Variants in ZNRF1 observed in about 807,000 individuals in gnomAD.
ZNRF1 encodes the protein E3 ubiquitin-protein ligase ZNRF1.
Under a neutral mutation model 18.4 loss-of-function variants are expected in ZNRF1, and 3 were observed. The observed-to-expected ratio is 0.16, with a 90% CI of 0.07 to 0.42. The LOEUF is 0.42. ZNRF1 is among the 10% of genes least tolerant of loss of function. The probability of loss-of-function intolerance (pLI) is 0.99; values close to 1 mark genes in which losing one functional copy is unlikely to be tolerated. For missense variants in ZNRF1, 310 were observed against 329.8 expected, an observed-to-expected ratio of 0.94 and a Z score of 0.47; for synonymous variants, 157 against 144.2, an observed-to-expected ratio of 1.09 and a Z score of -0.64.
intron 1 of ZNRF1, among the ~76,000 whole-genome samples, chr16:75,082,077 C>G (rs556429851): frequency 4.6e-5 from 7 of 152,274 alleles, no homozygotes; most frequent in Admixed American, 4.6e-4. Flanking sequence ...GGGGGTCTCA[C>G]TATGTTGCCC....
chr16:75,029,077 C>CCT (rs2035263681), intron 1 of ZNRF1, among the ~76,000 whole-genome samples: 1 of 16,144 alleles, frequency 6.2e-5, no homozygotes, highest in African/African-American at 8.3e-5. Flanking sequence ...GCAATCTTGA[C>CCT]CTTTTTTTTT....
chr16:75,041,490 C>T (rs1024413814), intron 1 of ZNRF1, among the ~76,000 whole-genome samples: 5 of 151,954 alleles, frequency 3.3e-5, no homozygotes, highest in East Asian at 1.9e-4. Flanking sequence ...CCGCCATATC[C>T]GGCTAATTTT....
chr16:75,072,776 CAG>C (rs1202745525), intron 1 of ZNRF1, among the ~76,000 whole-genome samples: 4 of 152,098 alleles, frequency 2.6e-5, no homozygotes, highest in African/African-American at 4.8e-5. Context: ...GAAATGTAAA[CAG>C]AGCTGTGACA....
At chr16:75,043,714 G>A (rs968102846) in intron 1 of ZNRF1, among the ~76,000 whole-genome samples, 3 of 151,708 alleles carry the variant, frequency 2.0e-5, no homozygotes, top group Non-Finnish European at 4.4e-5. Flanking sequence ...GAGACATGGG[G>A]GATCCTGGGT....
chr16:75,089,740 G>A (rs1202735308), intron 1 of ZNRF1, among the ~76,000 whole-genome samples: 2 of 152,122 alleles, frequency 1.3e-5, no homozygotes, highest in African/African-American at 2.4e-5. Context: ...CTAAACTTGA[G>A]TCTCCGCCTT....
At chr16:75,087,685 C>T (rs1417903397) in intron 1 of ZNRF1, among the ~76,000 whole-genome samples, 1 of 152,236 alleles carries the variant, frequency 6.6e-6, no homozygotes, top group African/African-American at 2.4e-5. Context: ...GTTCCTTCCT[C>T]ATCTGAACAT....
intron 1 of ZNRF1, among the ~76,000 whole-genome samples, chr16:75,068,873 C>T (rs80015826): frequency 3.4e-5 from 5 of 147,510 alleles, no homozygotes; most frequent in Non-Finnish European, 7.5e-5. Flanking sequence ...TTGTCTGAGT[C>T]TTTTTTTTTT....
intron 1 of ZNRF1, 141 bp from the exon 2 acceptor site, chr16:75,093,431 A>G: frequency 1.8e-6 from 1 of 549,040 alleles, no homozygotes. Context: ...TCCTTGAAGG[A>G]GGACAGGTCC....
At chr16:75,005,147 C>T (rs1298669864) in intron 1 of ZNRF1, among the ~76,000 whole-genome samples, 2 of 152,090 alleles carry the variant, frequency 1.3e-5, no homozygotes, top group African/African-American at 2.4e-5. Flanking sequence ...TCTGTGGTCT[C>T]CAAAGAGCAT....
intron 1 of ZNRF1, among the ~76,000 whole-genome samples, chr16:75,076,353 C>A (rs983983362): frequency 6.6e-6 from 1 of 152,044 alleles, no homozygotes; most frequent in South Asian, 2.1e-4. Context: ...ATGTCCATCC[C>A]CATAGGTTTC....
chr16:75,036,296 A>G (rs1373041117), intron 1 of ZNRF1, among the ~76,000 whole-genome samples: 1 of 151,942 alleles, frequency 6.6e-6, no homozygotes, highest in Non-Finnish European at 1.5e-5. Context: ...TGCCAGGCTA[A>G]TTTTTGTATT....
intron 1 of ZNRF1, among the ~76,000 whole-genome samples, chr16:75,004,042 T>G (rs2034887642): frequency 1.3e-5 from 2 of 151,586 alleles, no homozygotes; most frequent in African/African-American, 4.9e-5. Flanking sequence ...CTCACTGCAG[T>G]CTCAGACTCC....
At chr16:75,047,581 G>C (rs2035531954) in intron 1 of ZNRF1, among the ~76,000 whole-genome samples, 2 of 152,218 alleles carry the variant, frequency 1.3e-5, no homozygotes, top group South Asian at 4.1e-4. Context: ...TTGGCATGTG[G>C]AGGAGTGCTG....
chr16:75,003,825 C>T (rs1374424352), intron 1 of ZNRF1, among the ~76,000 whole-genome samples: 1 of 152,186 alleles, frequency 6.6e-6, no homozygotes, highest in African/African-American at 2.4e-5. Flanking sequence ...GACGCCTGTC[C>T]TGCTTACCTC....
chr16:75,050,125 A>G (rs1430457306), intron 1 of ZNRF1, among the ~76,000 whole-genome samples: 1 of 152,160 alleles, frequency 6.6e-6, no homozygotes, highest in Non-Finnish European at 1.5e-5. Context: ...ACTTAGCATA[A>G]TTCTCCAAAC....
intron 1 of ZNRF1, among the ~76,000 whole-genome samples, chr16:75,039,364 C>G (rs1372438786): frequency 6.6e-6 from 1 of 151,652 alleles, no homozygotes; most frequent in Non-Finnish European, 1.5e-5. Context: ...TTAGGGAGGC[C>G]AAAGGCAGAA....
intron 1 of ZNRF1, among the ~76,000 whole-genome samples, chr16:75,049,703 T>C (rs1030223296): frequency 4.6e-5 from 7 of 152,164 alleles, no homozygotes; most frequent in Non-Finnish European, 8.8e-5. Context: ...CACAGAGTGG[T>C]CCTTTGTACC....
At chr16:75,062,430 ATTCT>A (rs1390331824) in intron 1 of ZNRF1, among the ~76,000 whole-genome samples, 1 of 152,232 alleles carries the variant, frequency 6.6e-6, no homozygotes, top group Non-Finnish European at 1.5e-5. Flanking sequence ...AGTGAAATGA[ATTCT>A]TTATCGGAAA....
chr16:75,050,899 C>CAAA lies in ZNRF1; in HGVS notation c.425-42669_425-42667dup, dbSNP rs796834732. 1.2e-4 allele frequency among the ~76,000 whole-genome samples: 5 copies of CAAA among 41,114 alleles called. 1 individual carries two copies. The highest frequency in any genetic ancestry group is 3.2e-4 in the Admixed American group (1 of 3,096). The allele number at this position is 41,114 out of a possible 152,430, so 27.0% of individuals were successfully genotyped here. A position where few individuals can be genotyped will look rare whatever the true frequency, so the allele number is the denominator to read the frequency against. Reference sequence around the variant, plus strand: ...AAAAAAAAAAAAAAACAAAAAAAAACAAAAAACTTGTAGCCAGGTACAGTG... The same window carrying CAAA: ...AAAAAAAAAAAAAAACAAAAAAAAACAAAAAAAAACTTGTAGCCAGGTACAGTG... On this transcript the variant is annotated intron_variant, in intron 1 of 4. Transcript: ENST00000335325.
Sources: gnomAD v4.1 joint callset for allele counts (sites outside exome capture counted in the v4.1 genomes callset) on GRCh38, gnomAD v4.1.1 for gene constraint, MANE v1.5 for transcripts, NCBI Gene and HGNC (gene_info 2026-07-23, HGNC 2026-07-21) for gene names.